PRKN: variants seen among roughly 807,000 people sequenced by gnomAD.
PRKN encodes the protein parkin RBR E3 ubiquitin protein ligase, also known as E3 ubiquitin-protein ligase parkin.
Under a neutral mutation model 59.5 loss-of-function variants are expected in PRKN, and 56 were observed. That is an observed-to-expected ratio of 0.94 (90% CI 0.76 to 1.18). PRKN has a LOEUF of 1.18. Ranked by LOEUF, PRKN falls within the 50% of genes most tolerant of loss-of-function variation. PRKN has a pLI of 0.00. For missense variants in PRKN, 657 were observed against 596.4 expected (o/e 1.10, Z -1.06); for synonymous variants, 250 against 222.1 (o/e 1.13, Z -1.12).
intron 2 of PRKN, among the ~76,000 whole-genome samples, chr6:162,366,091 G>A (rs1273512886): frequency 1.3e-5 from 2 of 152,056 alleles, no homozygotes; most frequent in East Asian, 3.9e-4. Flanking sequence ...AATTTATATT[G>A]TCACCAATAT....
intron 9 of PRKN, among the ~76,000 whole-genome samples, chr6:161,482,870 C>T (rs1791473926): frequency 6.6e-6 from 1 of 152,206 alleles, no homozygotes. Context: ...AATAGACTTA[C>T]AATATGACTT....
intron 6 of PRKN, among the ~76,000 whole-genome samples, chr6:161,876,457 G>A (rs746549339): frequency 3.9e-5 from 6 of 152,022 alleles, no homozygotes; most frequent in Non-Finnish European, 7.4e-5. Flanking sequence ...GACTACAGGC[G>A]CATGCCGTCA....
At chr6:162,154,074 T>C (rs1782393002) in intron 4 of PRKN, among the ~76,000 whole-genome samples, 1 of 152,138 alleles carries the variant, frequency 6.6e-6, no homozygotes, top group South Asian at 2.1e-4. Flanking sequence ...TTTCTCTGCC[T>C]CCTGTCTCCA....
chr6:161,607,827 A>T lies in PRKN; in HGVS notation c.872-38411T>A, dbSNP rs548483064. Among the ~76,000 whole-genome samples the T allele has an allele frequency of 5.9e-5, 9 of 152,362 alleles. No individual in the cohort carries two copies. In the South Asian group the frequency reaches 1.9e-3, roughly 32 times the overall value. On this transcript the variant is annotated intron_variant, in intron 7 of 11. Transcript: ENST00000366898. Reference sequence around the variant, plus strand: ...CCACTGTATAAGTAGGCCCAGAACAATGAATGAGGAAGGCCTGAGCCAAGG... The same window carrying T: ...CCACTGTATAAGTAGGCCCAGAACATTGAATGAGGAAGGCCTGAGCCAAGG...
At chr6:162,143,108 T>TAGTTG (rs573052449) in intron 4 of PRKN, among the ~76,000 whole-genome samples, 2 of 152,334 alleles carry the variant, frequency 1.3e-5, no homozygotes, top group South Asian at 4.1e-4. Flanking sequence ...GGCCACTAGC[T>TAGTTG]AGTTGTCTTG....
intron 2 of PRKN, among the ~76,000 whole-genome samples, chr6:162,303,278 C>T (rs1051949657): frequency 6.6e-6 from 1 of 152,140 alleles, no homozygotes; most frequent in East Asian, 1.9e-4. Context: ...GAAACTTACA[C>T]CCAGTTTTCA....
At chr6:161,862,248 T>G (rs1249295915) in intron 6 of PRKN, among the ~76,000 whole-genome samples, 1 of 152,188 alleles carries the variant, frequency 6.6e-6, no homozygotes, top group Non-Finnish European at 1.5e-5. Flanking sequence ...TACAGTGAAT[T>G]AGTTCCTCCC....
intron 4 of PRKN, among the ~76,000 whole-genome samples, chr6:162,077,963 T>G (rs935301092): frequency 1.4e-5 from 2 of 142,274 alleles, no homozygotes; most frequent in Non-Finnish European, 3.0e-5. Context: ...ATCACACCAC[T>G]GCACAGCAGC....
intron 1 of PRKN, among the ~76,000 whole-genome samples, chr6:162,579,282 G>A (rs555341657): frequency 9.2e-5 from 14 of 152,094 alleles, no homozygotes; most frequent in African/African-American, 3.1e-4. Context: ...TATCTTCCAT[G>A]CCCAGCAAAT....
At chr6:161,630,136 A>T (rs1783244962) in intron 7 of PRKN, among the ~76,000 whole-genome samples, 2 of 152,336 alleles carry the variant, frequency 1.3e-5, no homozygotes, top group Middle Eastern at 3.4e-3. Flanking sequence ...ATAGGTTTTT[A>T]CTGTGTACTA....
chr6:161,751,720 G>A (rs1788701691), intron 7 of PRKN, among the ~76,000 whole-genome samples: 1 of 152,184 alleles, frequency 6.6e-6, no homozygotes, highest in Non-Finnish European at 1.5e-5. Context: ...TGCCTTCTGG[G>A]AGATGATACC....
intron 4 of PRKN, among the ~76,000 whole-genome samples, chr6:162,130,428 T>C (rs1781305553): frequency 6.6e-6 from 1 of 152,078 alleles, no homozygotes; most frequent in Non-Finnish European, 1.5e-5. Flanking sequence ...TTGCATGCAT[T>C]TCAAGGTTTA....
chr6:161,775,057 CTGTT>C (rs1789864099), intron 7 of PRKN, among the ~76,000 whole-genome samples: 1 of 152,144 alleles, frequency 6.6e-6, no homozygotes, highest in South Asian at 2.1e-4. Flanking sequence ...AATGGACTGT[CTGTT>C]TCAGCGAGGC....
At chr6:162,094,149 A>C (rs1779629798) in intron 4 of PRKN, among the ~76,000 whole-genome samples, 1 of 152,172 alleles carries the variant, frequency 6.6e-6, no homozygotes, top group African/African-American at 2.4e-5. Flanking sequence ...ATCAAGAACC[A>C]ACAAGCAGCC....
chr6:161,845,397 G>A (rs1793160584), intron 6 of PRKN, among the ~76,000 whole-genome samples: 1 of 152,154 alleles, frequency 6.6e-6, no homozygotes, highest in Non-Finnish European at 1.5e-5. Context: ...AACCATGTGG[G>A]TCATTCCCAA....
chr6:161,377,965 G>A lies in PRKN; in HGVS notation c.1167+8829C>T, dbSNP rs62435882. On this transcript the variant is annotated intron_variant, in intron 10 of 11. Transcript: ENST00000366898. The surrounding 1 kb of genome is among the most constrained non-coding windows in gnomAD (Gnocchi z 4.2). ...CAGTCTACGGTATTGAGTGACAGCA[G>A]CCCAAACAGATGAGGCAGCAGCTGA... Among the ~76,000 whole-genome samples the A allele has an allele frequency of 0.069, 10,489 of 152,158 alleles. 417 individuals carry two copies. The highest frequency in any genetic ancestry group is 0.079 in the Non-Finnish European group (5,394 of 67,988).
intron 1 of PRKN, among the ~76,000 whole-genome samples, chr6:162,560,217 A>T (rs540828013): frequency 3.9e-5 from 6 of 152,214 alleles, no homozygotes; most frequent in Non-Finnish European, 7.4e-5. Context: ...CTATTTGCAT[A>T]TAAGTGCAAT....
intron 6 of PRKN, among the ~76,000 whole-genome samples, chr6:161,811,431 A>G (rs1791553752): frequency 1.3e-5 from 2 of 152,224 alleles, no homozygotes; most frequent in African/African-American, 4.8e-5. Context: ...TCAACAGAAC[A>G]GAAGAGTGAG....
At chr6:161,680,399 G>A (rs1020225973) in intron 7 of PRKN, among the ~76,000 whole-genome samples, 13 of 152,100 alleles carry the variant, frequency 8.5e-5, no homozygotes, top group Admixed American at 2.0e-4. Context: ...ACGGGGCAGC[G>A]TGTGGTGGTG....
Sources: allele counts gnomAD v4.1 joint callset (sites outside exome capture counted in the v4.1 genomes callset), GRCh38; gene constraint gnomAD v4.1.1; non-coding constraint Gnocchi (gnomAD v3.1); transcripts MANE v1.5; gene names NCBI Gene and HGNC (gene_info 2026-07-23, HGNC 2026-07-21).